The following ADH5 variants were observed in gnomAD, a reference collection of about 807,000 sequenced individuals.
ADH5 encodes alcohol dehydrogenase class-3.
A neutral mutation model predicts 40.3 loss-of-function variants in ADH5; 32 were observed. That is an observed-to-expected ratio of 0.79 (90% CI 0.60 to 1.07). ADH5 has a LOEUF of 1.07. Among genes scored for constraint, ADH5 ranks in the 50% least tolerant of loss-of-function variants. The pLI is 0.00. For missense variants in ADH5, 353 were observed against 460.5 expected (o/e 0.77, Z 2.14); for synonymous variants, 125 against 154.3 (o/e 0.81, Z 1.41).
rs375009956 is a variant in ADH5 at position 99,072,281 on chromosome 4, G to C, written c.*136C>G. The C allele has an allele frequency of 9.8e-5, 68 of 694,878 alleles. 1 individual carries two copies. In the South Asian group the frequency reaches 1.1e-3, roughly 11 times the overall value. 43.0% of individuals were successfully genotyped at this position (694,878 alleles called of 1,614,324 possible). ...CTTGTCCTTGATTATAGAGATTCAT[G>C]AATGACACACATAACCCTATTTTCT... On this transcript the variant is annotated 3_prime_UTR_variant, in exon 9 of 9. Coordinates refer to ENST00000296412, the MANE Select transcript of ADH5 (RefSeq NM_000671.4).
At chr4:99,076,637 T>C in intron 5 of ADH5, 67 bp downstream of exon 5, 1 of 1,594,476 alleles carries the variant, frequency 6.3e-7, no homozygotes, top group Non-Finnish European at 8.6e-7. Flanking sequence ...CCAATTTCAC[T>C]ATTCCAGGAA....
intron 7 of ADH5, among the ~76,000 whole-genome samples, chr4:99,074,185 T>C (rs961172973): frequency 6.6e-6 from 1 of 152,214 alleles, no homozygotes; most frequent in South Asian, 2.1e-4. Context: ...TGATTTTTTT[T>C]CTTTAGGAGG....
At chr4:99,074,363 T>G (rs1365257245) in intron 7 of ADH5, among the ~76,000 whole-genome samples, 1 of 152,158 alleles carries the variant, frequency 6.6e-6, no homozygotes. Flanking sequence ...CACCAAGGAC[T>G]TTTTAGGATC....
chr4:99,088,512 A>G (rs1274784395), intron 1 of ADH5, among the ~76,000 whole-genome samples, 177 bp downstream of exon 1: 1 of 148,060 alleles, frequency 6.8e-6, no homozygotes, highest in African/African-American at 2.5e-5. Context: ...AAGAGCCGAG[A>G]CAAAGCTTCC....
Position 99,088,690 on chromosome 4 carries a change from T to A in ADH5, c.11A>T (p.Glu4Val). The A allele has an allele frequency of 5.0e-6, 8 of 1,607,278 alleles. No homozygotes were observed. The highest frequency in any genetic ancestry group is 6.8e-6 in the Non-Finnish European group (8 of 1,176,246). MANEVIKCKAAVAW... is the reference protein window; with the variant it reads MANVVIKCKAAVAW... ...GGCCCTCCGCTCAACGGGCCCTACC[T>A]CGTTCGCCATGTTCACGGATTCTGG... Residue 4 changes from glutamate to valine, a missense_variant and splice_region_variant, in exon 1 of 9, where the codon GAG becomes GTG. By Grantham distance (121) the Glu-to-Val change is moderately radical. Transcript: ENST00000296412.
At chr4:99,088,643 G>T (rs762060028) in intron 1 of ADH5, 46 bp downstream of exon 1, 2 of 1,584,154 alleles carry the variant, frequency 1.3e-6, no homozygotes, top group East Asian at 4.6e-5. Flanking sequence ...CCCATGCCAT[G>T]CACTCCCTCC....
intron 1 of ADH5, among the ~76,000 whole-genome samples, chr4:99,088,048 G>C (rs1052107822): frequency 2.6e-5 from 4 of 152,306 alleles, no homozygotes; most frequent in African/African-American, 9.6e-5. Flanking sequence ...GCTCGCCATC[G>C]TTGGTGTGAC....
rs1727996887 is a variant in ADH5, at chr4:99,079,905, T to C, written c.344+1460A>G. On this transcript the variant is annotated intron_variant, in intron 4 of 8. Transcript: ENST00000296412. ...ATGGTTTGGCAAATTTAGCCTGCTG[T>C]TATGTGAAGAGAATGGGTACAGAAA... 10 of 426,478 alleles carry C rather than the reference T, an allele frequency of 2.3e-5. No individual in the cohort carries two copies. In the Admixed American group the frequency reaches 2.9e-4, roughly 13 times the overall value. The allele number at this position is 426,478 out of a possible 1,614,324, so 26.4% of individuals were successfully genotyped here. A position where few individuals can be genotyped will look rare whatever the true frequency, so the allele number is the denominator to read the frequency against.
At chr4:99,083,055 G>A (rs1728057707) in intron 2 of ADH5, among the ~76,000 whole-genome samples, 1 of 152,062 alleles carries the variant, frequency 6.6e-6, no homozygotes, top group Non-Finnish European at 1.5e-5. Flanking sequence ...TCTGCTCCTG[G>A]CTTATATATC....
rs1235227872 is a variant in ADH5 at position 99,072,137 on chromosome 4, A to G, written c.*280T>C. The G allele has an allele frequency of 8.2e-6, 3 of 365,324 alleles. No homozygotes were observed. The highest frequency in any genetic ancestry group is 1.5e-5 in the Non-Finnish European group (3 of 203,558). 22.6% of individuals were successfully genotyped at this position (365,324 alleles called of 1,614,324 possible). A position where few individuals can be genotyped will look rare whatever the true frequency, so the allele number is the denominator to read the frequency against. ...ACCGTGACAATGATGACAGCATAAA[A>G]CAAGACAATTTCCACACAAATGTAG... On this transcript the variant is annotated 3_prime_UTR_variant, in exon 9 of 9. Coordinates refer to ENST00000296412, the MANE Select transcript of ADH5 (RefSeq NM_000671.4).
chr4:99,081,301 C>G (rs1305059670), intron 4 of ADH5, 64 bp downstream of exon 4: 13 of 1,087,618 alleles, frequency 1.2e-5, no homozygotes, highest in Non-Finnish European at 1.7e-5. Flanking sequence ...ACCCCTCGGT[C>G]TCTGTGATTC....
Position 99,081,450 on chromosome 4 carries a change from C to T in ADH5, c.259G>A (p.Asp87Asn), listed in dbSNP as rs1728023155. Residue 87 changes from aspartate (D) to asparagine (N), a missense_variant and splice_region_variant, in exon 4 of 9, where the codon GAC (aspartate) becomes AAC (asparagine). Coordinates refer to ENST00000296412, the MANE Select transcript of ADH5 (RefSeq NM_000671.4). Reference protein sequence around the residue: ...GEGVTKLKAGDTVIPLYIPQC... With the variant: ...GEGVTKLKAGNTVIPLYIPQC... ...GGGATGTAAAGTGGGATGACAGTGT[C>T]ACCTGGAAACAAATGCAAAGACATC... 1 of 1,602,130 alleles carries T rather than the reference C, an allele frequency of 6.2e-7. No individual in the cohort carries two copies. Among genetic ancestry groups the T allele is most frequent in the South Asian group, 1.1e-5 (1 of 89,024 alleles).
At chr4:99,082,221 C>T (rs560164383) in intron 2 of ADH5, 105 bp from the exon 3 acceptor site, 3 of 1,154,312 alleles carry the variant, frequency 2.6e-6, no homozygotes, top group African/African-American at 1.6e-5. Context: ...TTCATTGACT[C>T]TAAGACACAT....
At chr4:99,075,186 C>A in intron 6 of ADH5, 137 bp from the exon 7 acceptor site, 39 of 600,522 alleles carry the variant, frequency 6.5e-5, no homozygotes, top group Non-Finnish European at 9.2e-5. Flanking sequence ...TTAGTGAGCT[C>A]AATGTTATTG....
intron 1 of ADH5, among the ~76,000 whole-genome samples, chr4:99,087,213 G>A (rs535066423): frequency 7.2e-4 from 109 of 152,034 alleles, no homozygotes; most frequent in Non-Finnish European, 1.3e-3. Flanking sequence ...GCGAAACCCC[G>A]TCTCTACTAA....
At chr4:99,087,526 T>C (rs566896862) in intron 1 of ADH5, among the ~76,000 whole-genome samples, 5 of 152,338 alleles carry the variant, frequency 3.3e-5, no homozygotes, top group African/African-American at 1.2e-4. Flanking sequence ...AGAACCTTTT[T>C]CATTTCAATG....
chr4:99,076,432 A>G lies in ADH5; in HGVS notation c.685T>C (p.Phe229Leu). The change falls in exon 6 of 9, where the codon TTT becomes CTT. Residue 229 changes from phenylalanine (F) to leucine (L), a missense_variant. Transcript: ENST00000296412. ...IIGVDINKDK[F>L]ARAKEFGATE... is the part of the protein sequence containing the mutation. ...GCTCCAAACTCTTTGGCCCTTGCAA[A>G]TTTATCTTTATTGATGTCCACACCA... 1 of 1,614,066 alleles carries G rather than the reference A, an allele frequency of 6.2e-7. No individual in the cohort carries two copies. The highest frequency in any genetic ancestry group is 8.5e-7 in the Non-Finnish European group (1 of 1,180,022).
rs1261308354 is a variant in ADH5 at position 99,074,991 on chromosome 4, G to C, written c.884C>G (p.Ala295Gly). 1.2e-6 allele frequency: 2 copies of C among 1,613,274 alleles called. No individual in the cohort carries two copies. Among genetic ancestry groups the C allele is most frequent in the East Asian group, 2.2e-5 (1 of 44,852 alleles). ...AGTGGCAATTTCTTCACCTGAAGCA[G>C]CTACTCCAACCACGACGCTGACGCC... Reference protein sequence around the residue: ...GWGVSVVVGVAASGEEIATRP... With the variant: ...GWGVSVVVGVGASGEEIATRP... The change falls in exon 7 of 9, where the codon GCT (alanine) becomes GGT (glycine). Residue 295 changes from alanine (A) to glycine (G), a missense_variant. Transcript: ENST00000296412.
At chr4:99,073,650 T>A (rs1446635371) in intron 7 of ADH5, among the ~76,000 whole-genome samples, 3 of 152,208 alleles carry the variant, frequency 2.0e-5, no homozygotes, top group Non-Finnish European at 4.4e-5. Flanking sequence ...AATTATTCTT[T>A]CCCCACAAAT....
Sources: allele counts gnomAD v4.1 joint callset (sites outside exome capture counted in the v4.1 genomes callset), GRCh38; gene constraint gnomAD v4.1.1; transcripts MANE v1.5; gene names NCBI Gene and HGNC (gene_info 2026-07-23, HGNC 2026-07-21).